FRRS1: variants seen among roughly 807,000 people sequenced by gnomAD.
FRRS1 encodes ferric reductase 1.
In FRRS1, 51 loss-of-function variants were observed where a neutral mutation model predicts 70.7. The ratio of observed to expected loss-of-function variants is 0.72; its 90% CI spans 0.58 to 0.91. FRRS1 has a LOEUF of 0.91. Ranked by LOEUF, FRRS1 falls within the 40% of genes least tolerant of loss-of-function variation. FRRS1 has a pLI of 0.00. For missense variants in FRRS1, 672 were observed against 726.0 expected, an observed-to-expected ratio of 0.93 and a Z score of 0.86; for synonymous variants, 225 against 238.7, an observed-to-expected ratio of 0.94 and a Z score of 0.53.
At chr1:99,710,124 T>C (rs531494942) in intron 15 of FRRS1, among the ~76,000 whole-genome samples, 7 of 152,302 alleles carry the variant, frequency 4.6e-5, no homozygotes, top group African/African-American at 1.7e-4. Context: ...GTTTACAACA[T>C]ATACACTAGA....
chr1:99,735,082 G>T (rs538904810), intron 7 of FRRS1, among the ~76,000 whole-genome samples: 1 of 152,298 alleles, frequency 6.6e-6, no homozygotes, highest in African/African-American at 2.4e-5. Context: ...TCATAGGTAA[G>T]TTCTTGAAAA....
intron 4 of FRRS1, among the ~76,000 whole-genome samples, chr1:99,743,124 C>T (rs562014174): frequency 2.6e-5 from 4 of 152,238 alleles, no homozygotes; most frequent in Admixed American, 2.6e-4. Flanking sequence ...ATAAATTCTT[C>T]AAACTACTTT....
At chr1:99,711,587 T>C (rs1654274214) in intron 14 of FRRS1, 1 of 153,300 alleles carries the variant, frequency 6.5e-6, no homozygotes, top group African/African-American at 2.4e-5. Context: ...GGACTCCCAC[T>C]CTGACAAAGA....
At position 99,708,861 on chromosome 1, in the gene FRRS1, G is replaced by T; in HGVS notation, c.*167C>A. ...AATTTATAGTCTATATGACCCTCTT[G>T]AATGTTGTTCTCTAAAGGCTGGACT... On this transcript the variant is annotated 3_prime_UTR_variant, in exon 17 of 17. Coordinates refer to ENST00000646001, the MANE Select transcript of FRRS1 (RefSeq NM_001361041.2). 1 of 1,423,646 alleles carries T rather than the reference G, an allele frequency of 7.0e-7. No homozygotes were observed. The highest frequency in any genetic ancestry group is 9.9e-7 in the Non-Finnish European group (1 of 1,008,296). The allele number at this position is 1,423,646 out of a possible 1,614,324, so 88.2% of individuals were successfully genotyped here.
chr1:99,719,995 A>C (rs1204584886), intron 9 of FRRS1, among the ~76,000 whole-genome samples: 1 of 152,218 alleles, frequency 6.6e-6, no homozygotes, highest in Non-Finnish European at 1.5e-5. Context: ...AATGTTAAAA[A>C]AAATATTGAA....
At chr1:99,738,392 A>G in intron 6 of FRRS1, 124 bp from the exon 7 acceptor site, 2 of 604,796 alleles carry the variant, frequency 3.3e-6, no homozygotes, top group Non-Finnish European at 2.9e-6. Context: ...CCTTTCCATA[A>G]TAAGCATTCA....
chr1:99,717,929 C>A (rs1043395788), intron 10 of FRRS1, among the ~76,000 whole-genome samples: 1 of 152,190 alleles, frequency 6.6e-6, no homozygotes, highest in Non-Finnish European at 1.5e-5. Flanking sequence ...AACCACTGTA[C>A]TAATAACTGC....
At chr1:99,725,283 G>A (rs1227055715) in intron 9 of FRRS1, among the ~76,000 whole-genome samples, 3 of 152,070 alleles carry the variant, frequency 2.0e-5, no homozygotes, top group Non-Finnish European at 4.4e-5. Flanking sequence ...CGTCGGTTGG[G>A]GATCCCTGAT....
At chr1:99,718,631 G>C (rs890023261) in intron 10 of FRRS1, among the ~76,000 whole-genome samples, 1 of 151,956 alleles carries the variant, frequency 6.6e-6, no homozygotes, top group African/African-American at 2.4e-5. Flanking sequence ...GTACGGCCTA[G>C]AGCCTTGTTT....
Position 99,705,531 on chromosome 1 carries a change from G to A in FRRS1, c.*3497C>T, listed in dbSNP as rs1261845173. Among the ~76,000 whole-genome samples the A allele has an allele frequency of 2.0e-5, 3 of 152,070 alleles. No homozygotes were observed. Among genetic ancestry groups the A allele is most frequent in the Non-Finnish European group, 4.4e-5 (3 of 68,016 alleles). ...ATAGAATTTCAGCCAAACACTACAT[G>A]TGCCCTGAGAGCTTCCTAGTTGGCA... On this transcript the variant is annotated 3_prime_UTR_variant, in exon 17 of 17. Transcript: ENST00000646001.
chr1:99,740,696 C>CCAAG, intron 6 of FRRS1, 97 bp downstream of exon 6: 1 of 828,672 alleles, frequency 1.2e-6, no homozygotes, highest in Non-Finnish European at 2.0e-6. Context: ...CTTTGTGACT[C>CCAAG]CAAGGCAGGA....
intron 9 of FRRS1, among the ~76,000 whole-genome samples, chr1:99,723,757 G>C (rs1005579092): frequency 2.0e-5 from 3 of 152,172 alleles, no homozygotes; most frequent in African/African-American, 7.2e-5. Context: ...ATATGATAAA[G>C]AGGCTTTTAA....
chr1:99,719,500 T>C (rs775138695), intron 10 of FRRS1, 34 bp downstream of exon 10: 16 of 1,110,600 alleles, frequency 1.4e-5, no homozygotes, highest in East Asian at 7.1e-5. Context: ...AGCAGGTAAG[T>C]TGATTCCACA....
At chr1:99,711,511 C>T (rs1654270400) in intron 14 of FRRS1, 1 of 152,876 alleles carries the variant, frequency 6.5e-6, no homozygotes. Flanking sequence ...GATGCACCCA[C>T]ATTTTCCAGA....
intron 12 of FRRS1, among the ~76,000 whole-genome samples, chr1:99,714,149 C>T (rs1326557754): frequency 6.6e-6 from 1 of 150,852 alleles, no homozygotes; most frequent in Non-Finnish European, 1.5e-5. Flanking sequence ...ATTAGAGAAA[C>T]TAGTTTGAGG....
At position 99,738,189 on chromosome 1, in the gene FRRS1, C is replaced by G. The variant is rs142810006; in HGVS notation, c.656G>C (p.Cys219Ser). The change falls in exon 7 of 17, where the codon TGT becomes TCT. Residue 219 changes from cysteine to serine, a missense_variant. Coordinates refer to ENST00000646001, the MANE Select transcript of FRRS1 (RefSeq NM_001361041.2). The stretch of plus-strand genomic sequence containing the variant: ...ATCTCTTGTGAAGGACAAGAAGACA[C>G]AGGAAGCCTCCTTCTCTGGGTCACA... Reference protein sequence around the residue: ...LNCDPEKEASCVFLSFTRDDQ... With the variant: ...LNCDPEKEASSVFLSFTRDDQ... The G allele has an allele frequency of 1.2e-6, 2 of 1,613,932 alleles. No homozygotes were observed. Among genetic ancestry groups the G allele is most frequent in the Non-Finnish European group, 1.7e-6 (2 of 1,179,818 alleles).
chr1:99,760,797 C>G (rs2101005001), intron 1 of FRRS1, among the ~76,000 whole-genome samples: 1 of 151,972 alleles, frequency 6.6e-6, no homozygotes, highest in African/African-American at 2.4e-5. Context: ...TTACAGGCAC[C>G]TGCCACCATG....
chr1:99,720,834 A>AACACACACAC (rs57397996), intron 9 of FRRS1, among the ~76,000 whole-genome samples: 10 of 137,334 alleles, frequency 7.3e-5, no homozygotes, highest in African/African-American at 1.1e-4. Flanking sequence ...AGCATTTCCT[A>AACACACACAC]ACACACACAC....
At chr1:99,726,137 TC>T (rs887739928) in intron 9 of FRRS1, among the ~76,000 whole-genome samples, 2 of 152,126 alleles carry the variant, frequency 1.3e-5, no homozygotes, top group African/African-American at 4.8e-5. Context: ...GTGAATGAGT[TC>T]TAAGGAGATC....
Sources: allele counts gnomAD v4.1 joint callset (sites outside exome capture counted in the v4.1 genomes callset), GRCh38; gene constraint gnomAD v4.1.1; transcripts MANE v1.5; gene names NCBI Gene and HGNC (gene_info 2026-07-23, HGNC 2026-07-21).